KDM2B: variants seen among roughly 807,000 people sequenced by gnomAD.
KDM2B encodes lysine demethylase 2B, also known as lysine-specific demethylase 2B.
KDM2B carries 26 observed loss-of-function variants against 150.0 expected under a neutral mutation model. The ratio of observed to expected loss-of-function variants is 0.17; its 90% CI spans 0.13 to 0.24. KDM2B has a LOEUF of 0.24. Among genes scored for constraint, KDM2B ranks in the 10% least tolerant of loss-of-function variants. KDM2B has a pLI of 1.00. For missense variants in KDM2B, 1,265 were observed against 1,816.9 expected (o/e 0.70, Z 5.52); for synonymous variants, 734 against 729.5 (o/e 1.01, Z -0.10).
intron 11 of KDM2B, among the ~76,000 whole-genome samples, chr12:121,498,843 C>CA (rs1402376168): frequency 6.6e-6 from 1 of 152,024 alleles, no homozygotes; most frequent in Non-Finnish European, 1.5e-5. Context: ...TTTAAAAAAA[C>CA]AGAGAGTTGC....
At chr12:121,409,910 CTT>C in the KDM2B span, 1 of 152,250 alleles carries the variant, frequency 6.6e-6, no homozygotes, top group African/African-American at 2.4e-5. Flanking sequence ...AATCCCAGCA[CTT>C]TGGGAAGCCG....
At chr12:121,486,333 CTTTTTTTTTTTTTTT>C (rs71079073) in intron 12 of KDM2B, among the ~76,000 whole-genome samples, 5 of 59,018 alleles carry the variant, frequency 8.5e-5, no homozygotes, top group African/African-American at 7.8e-5. Context: ...TTTCGAACTC[CTTTTTTTTTTTTTTT>C]TTTTTTTTTT....
chr12:121,532,572 G>A (rs1887752115), intron 8 of KDM2B, among the ~76,000 whole-genome samples: 1 of 152,244 alleles, frequency 6.6e-6, no homozygotes, highest in Admixed American at 6.5e-5. Context: ...TCCCCTGAGA[G>A]GGCCCAAGGC....
chr12:121,546,209 C>T (rs1889026560), intron 6 of KDM2B, among the ~76,000 whole-genome samples: 1 of 152,100 alleles, frequency 6.6e-6, no homozygotes, highest in African/African-American at 2.4e-5. Flanking sequence ...ATCAAGGGCT[C>T]AAGACATAGG....
intron 6 of KDM2B, among the ~76,000 whole-genome samples, chr12:121,535,668 T>C (rs1005144736): frequency 6.6e-6 from 1 of 152,186 alleles, no homozygotes; most frequent in African/African-American, 2.4e-5. Flanking sequence ...AACTTGGACC[T>C]TGGAGGCTGG....
At chr12:121,478,157 G>C (rs1184930887) in intron 12 of KDM2B, among the ~76,000 whole-genome samples, 1 of 152,046 alleles carries the variant, frequency 6.6e-6, no homozygotes, top group Admixed American at 6.6e-5. Context: ...TTACAGGAAT[G>C]AGCCACTGCG....
chr12:121,575,984 C>A lies in KDM2B; in HGVS notation c.272-125G>T. 1 of 691,414 alleles carries A rather than the reference C, an allele frequency of 1.4e-6. No homozygotes were observed. The allele number at this position is 691,414 out of a possible 1,614,324, so 42.8% of individuals were successfully genotyped here. A position where few individuals can be genotyped will look rare whatever the true frequency, so the allele number is the denominator to read the frequency against. ...CAGGGGGTCCAGGAGATGCAGGCAC[C>A]AGCTGTACAGCAAAAGCTCCTTGGA... On this transcript the variant is annotated intron_variant, in intron 2 of 22. Coordinates refer to ENST00000377071, the MANE Select transcript of KDM2B (RefSeq NM_032590.5). The surrounding 1 kb of genome is among the most constrained non-coding windows in gnomAD (Gnocchi z 4.4).
Position 121,509,645 on chromosome 12 carries a change from T to C in KDM2B, c.1569A>G (p.Lys523=). 6.2e-7 allele frequency: 1 copy of C among 1,614,004 alleles called. No individual in the cohort carries two copies. Among genetic ancestry groups the C allele is most frequent in the Non-Finnish European group, 8.5e-7 (1 of 1,180,004 alleles). The change falls in exon 11 of 23, where the codon AAA becomes AAG. Residue 523 remains lysine, a synonymous_variant. Coordinates refer to ENST00000377071, the MANE Select transcript of KDM2B (RefSeq NM_032590.5). ...ELKGLKALVE[K]LESLPENKKC... ...TCTTGTTCTCCGGGAGGGATTCCAG[T>C]TTCTCCACCAGAGCTTTCAGGCCCT...
intron 13 of KDM2B, among the ~76,000 whole-genome samples, chr12:121,446,200 C>G (rs1876180213): frequency 6.6e-6 from 1 of 152,236 alleles, no homozygotes; most frequent in East Asian, 1.9e-4. Context: ...TCGAGACCAT[C>G]CCGGCTACCA....
At chr12:121,525,574 A>G (rs1287634122) in intron 8 of KDM2B, among the ~76,000 whole-genome samples, 5 of 152,114 alleles carry the variant, frequency 3.3e-5, no homozygotes, top group African/African-American at 1.2e-4. Context: ...TGACAATCTG[A>G]AATGCTGCCT....
At chr12:121,425,085 G>A (rs1459554139), downstream of KDM2B, among the ~76,000 whole-genome samples, 1 of 152,170 alleles carries the variant, frequency 6.6e-6, no homozygotes, top group Non-Finnish European at 1.5e-5. Flanking sequence ...GCTGAGGCGG[G>A]TGGATCATGA....
chr12:121,474,284 T>C (rs184016725), intron 12 of KDM2B, among the ~76,000 whole-genome samples: 488 of 152,034 alleles, frequency 3.2e-3, no homozygotes, highest in Non-Finnish European at 5.1e-3. Context: ...GAGGCCGAGG[T>C]GGGCAGATCA....
chr12:121,443,228 A>C, intron 17 of KDM2B, 198 bp from the exon 18 acceptor site: 2 of 618,628 alleles, frequency 3.2e-6, no homozygotes, highest in Non-Finnish European at 2.9e-6. Flanking sequence ...AGCTGGAAGT[A>C]GGAGTACAGT....
At chr12:121,553,156 C>T (rs1309876639) in intron 4 of KDM2B, among the ~76,000 whole-genome samples, 2 of 151,534 alleles carry the variant, frequency 1.3e-5, no homozygotes, top group African/African-American at 2.4e-5. Flanking sequence ...GGCGTGAACC[C>T]GGGAGGCGGG....
At chr12:121,443,612 T>G (rs1593753537) in intron 17 of KDM2B, 68 bp downstream of exon 17, 3 of 870,758 alleles carry the variant, frequency 3.4e-6, no homozygotes, top group East Asian at 2.4e-5. Context: ...ACCAGCGGGG[T>G]GGGGTGGGGG....
In KDM2B at chr12:121,453,087, T is replaced by G. The variant is rs185534760; in HGVS notation, c.1959+33A>C. On this transcript the variant is annotated intron_variant, in intron 13 of 22. Coordinates refer to ENST00000377071, the MANE Select transcript of KDM2B (RefSeq NM_032590.5). This position sits in a 1 kb window ranked among gnomAD's most constrained non-coding sequence, Gnocchi z 6.4. ...GCGGGCCGGCACGCAGGGGCCTGAA[T>G]CGAGCGCAGGGCTGGGCGGGGGCCG... The G allele has an allele frequency of 1.5e-5, 24 of 1,558,702 alleles. No individual in the cohort carries two copies. Among genetic ancestry groups the G allele is most frequent in the Non-Finnish European group, 2.1e-5 (24 of 1,152,810 alleles).
At chr12:121,570,047 T>G (rs1257168069) in intron 4 of KDM2B, among the ~76,000 whole-genome samples, 18 of 151,818 alleles carry the variant, frequency 1.2e-4, no homozygotes, top group Non-Finnish European at 2.2e-4. Context: ...TGGGTTTTTT[T>G]GGTTTTGTTT....
At chr12:121,570,822 T>C (rs1891036518) in intron 4 of KDM2B, among the ~76,000 whole-genome samples, 1 of 152,142 alleles carries the variant, frequency 6.6e-6, no homozygotes, top group South Asian at 2.1e-4. Context: ...CCTAAAGATA[T>C]ACCCAAGATA....
rs782577297 is a variant in KDM2B, at chr12:121,453,304, G to C, written c.1775C>G (p.Ala592Gly). Residue 592 changes from alanine to glycine, a missense_variant, in exon 13 of 23, where the codon GCC (alanine) becomes GGC (glycine). Ala to Gly is a moderately conservative substitution (Grantham distance 60). This residue lies in a region of KDM2B where 69 missense variants were observed against 85.7 expected (regional missense o/e 0.81). Coordinates refer to ENST00000377071, the MANE Select transcript of KDM2B (RefSeq NM_032590.5). The surrounding 1 kb of genome is among the most constrained non-coding windows in gnomAD (Gnocchi z 6.4). ...GTTGGCGGCCAACTTCACCGCGGAGGCCGGGCCCAGCTTCCCCTTGGGCCG... is the reference window on the plus strand; with the variant it reads ...GTTGGCGGCCAACTTCACCGCGGAGCCCGGGCCCAGCTTCCCCTTGGGCCG... ...VGRPKGKLGP[A>G]SAVKLAANRT... 6.3e-7 allele frequency: 1 copy of C among 1,596,828 alleles called. No homozygotes were observed. The highest frequency in any genetic ancestry group is 8.5e-7 in the Non-Finnish European group (1 of 1,171,756).
Sources: gnomAD v4.1 joint callset for allele counts (sites outside exome capture counted in the v4.1 genomes callset) on GRCh38, gnomAD v4.1.1 for gene constraint, gnomAD v4.1.1 regional missense constraint, Gnocchi (gnomAD v3.1) non-coding constraint, MANE v1.5 for transcripts, NCBI Gene and HGNC (gene_info 2026-07-23, HGNC 2026-07-21) for gene names.